Variants in HYCC2 observed in about 807,000 individuals in gnomAD.
HYCC2 encodes hyccin PI4KA lipid kinase complex subunit 2.
At chr2:201,063,535 C>G in the HYCC2 span, 1 of 1,589,590 alleles carries the variant, frequency 6.3e-7, no homozygotes, top group South Asian at 1.1e-5. Context: ...GGGGCTTTGC[C>G]TTTGTAACCT....
At chr2:201,067,655 A>G in the HYCC2 span, among the ~76,000 whole-genome samples, 3 of 152,246 alleles carry the variant, frequency 2.0e-5, no homozygotes, top group Non-Finnish European at 4.4e-5. Context: ...CAAGGTAAAC[A>G]TATTTGCAAT....
chr2:201,036,787 T>A, the HYCC2 span, among the ~76,000 whole-genome samples: 1 of 152,156 alleles, frequency 6.6e-6, no homozygotes, highest in Admixed American at 6.6e-5. Context: ...ACAGCCAATA[T>A]CATACTGAAT....
chr2:201,054,011 C>T, the HYCC2 span, among the ~76,000 whole-genome samples: 1 of 152,004 alleles, frequency 6.6e-6, no homozygotes, highest in South Asian at 2.1e-4. Context: ...AACAAAAAAC[C>T]CAGAAAAGAA....
At chr2:201,046,072 T>G in the HYCC2 span, among the ~76,000 whole-genome samples, 4 of 152,118 alleles carry the variant, frequency 2.6e-5, no homozygotes, top group Non-Finnish European at 5.9e-5. Flanking sequence ...AGCTACAAAA[T>G]TATTTTGGAT....
the HYCC2 span, among the ~76,000 whole-genome samples, chr2:200,991,842 A>G: frequency 6.6e-6 from 1 of 152,132 alleles, no homozygotes; most frequent in Non-Finnish European, 1.5e-5. Flanking sequence ...CAGCCTTGGC[A>G]ACACAGAAAG....
chr2:201,005,842 A>C, the HYCC2 span, among the ~76,000 whole-genome samples: 1 of 151,800 alleles, frequency 6.6e-6, no homozygotes, highest in African/African-American at 2.4e-5. Flanking sequence ...TTATTTATTT[A>C]TTTTTTCTGA....
the HYCC2 span, chr2:200,981,941 T>C: frequency 6.7e-7 from 1 of 1,499,256 alleles, no homozygotes; most frequent in South Asian, 1.3e-5. This position sits in a 1 kb window ranked among gnomAD's most constrained non-coding sequence, Gnocchi z 4.5. Context: ...ATAACAACAC[T>C]GACCTTATCT....
the HYCC2 span, chr2:201,063,361 G>A: frequency 1.9e-5 from 30 of 1,574,890 alleles, no homozygotes; most frequent in East Asian, 4.5e-5. Flanking sequence ...GAGCTGTCTC[G>A]AGAGAAGATT....
At chr2:201,029,962 C>T in the HYCC2 span, among the ~76,000 whole-genome samples, 11 of 152,232 alleles carry the variant, frequency 7.2e-5, no homozygotes, top group East Asian at 9.6e-4. Context: ...TCATGCACAC[C>T]GGTAGTCCCA....
the HYCC2 span, among the ~76,000 whole-genome samples, chr2:201,027,705 G>A: frequency 7.2e-5 from 11 of 152,150 alleles, no homozygotes; most frequent in South Asian, 1.0e-3. Context: ...GAGAACCAAA[G>A]ACAAAAACCA....
the HYCC2 span, chr2:201,017,224 TG>T: frequency 5.7e-6 from 8 of 1,415,742 alleles, no homozygotes; most frequent in South Asian, 4.1e-5. Flanking sequence ...TTGTAACTGT[TG>T]TTTTTTTTTT....
chr2:201,020,792 G>C, the HYCC2 span, among the ~76,000 whole-genome samples: 1 of 152,156 alleles, frequency 6.6e-6, no homozygotes. Flanking sequence ...CTCTGAGATG[G>C]AGTCTTGGCT....
At chr2:201,036,610 T>C in the HYCC2 span, among the ~76,000 whole-genome samples, 1 of 152,214 alleles carries the variant, frequency 6.6e-6, no homozygotes, top group African/African-American at 2.4e-5. Context: ...TCAATAAAAG[T>C]AATCCAGCAT....
chr2:201,060,960 T>A, the HYCC2 span, among the ~76,000 whole-genome samples: 2 of 152,094 alleles, frequency 1.3e-5, no homozygotes, highest in Non-Finnish European at 1.5e-5. Flanking sequence ...GTACTGTAAT[T>A]TTTTGCCAAC....
At chr2:200,999,600 G>A in the HYCC2 span, among the ~76,000 whole-genome samples, 4 of 150,656 alleles carry the variant, frequency 2.7e-5, no homozygotes, top group Non-Finnish European at 5.9e-5. Context: ...ATTTTGGCCA[G>A]GCTGGTCTCG....
At chr2:201,059,767 T>C in the HYCC2 span, among the ~76,000 whole-genome samples, 4 of 152,264 alleles carry the variant, frequency 2.6e-5, no homozygotes, top group South Asian at 8.3e-4. Context: ...TCTTATTGAC[T>C]GGGTGCAGTG....
the HYCC2 span, among the ~76,000 whole-genome samples, chr2:201,033,087 ATT>A: frequency 6.7e-6 from 1 of 150,034 alleles, no homozygotes; most frequent in Admixed American, 6.7e-5. Flanking sequence ...CAATTGGTCC[ATT>A]TTTTTTCAAA....
chr2:201,021,786 C>T, the HYCC2 span: 2 of 290,148 alleles, frequency 6.9e-6, no homozygotes, highest in East Asian at 1.8e-4. Flanking sequence ...ATTCATTATT[C>T]AAACAAAGAA....
chr2:201,026,175 T>C, the HYCC2 span, among the ~76,000 whole-genome samples: 1 of 152,052 alleles, frequency 6.6e-6, no homozygotes, highest in Non-Finnish European at 1.5e-5. Context: ...TAGTCTCTGA[T>C]AAAACAGACT....
Sources: gnomAD v4.1 joint callset for allele counts (sites outside exome capture counted in the v4.1 genomes callset) on GRCh38, gnomAD v4.1.1 for gene constraint, Gnocchi (gnomAD v3.1) non-coding constraint, MANE v1.5 for transcripts, NCBI Gene and HGNC (gene_info 2026-07-23, HGNC 2026-07-21) for gene names.